Variants in TMEM178B observed in about 807,000 individuals in gnomAD.
The protein encoded by TMEM178B is transmembrane protein 178B.
Under a neutral mutation model 31.0 loss-of-function variants are expected in TMEM178B, and 5 were observed. The ratio of observed to expected loss-of-function variants is 0.16; its 90% confidence interval spans 0.08 to 0.34. The LOEUF is 0.34. Among genes scored for constraint, TMEM178B ranks in the 10% least tolerant of loss-of-function variants. TMEM178B has a pLI of 1.00. For synonymous variants in TMEM178B, 164 were observed against 164.0 expected, an observed-to-expected ratio of 1.00 and a Z score of 0.00; for missense variants, 275 against 400.3, an observed-to-expected ratio of 0.69 and a Z score of 2.67.
intron 2 of TMEM178B, among the ~76,000 whole-genome samples, chr7:141,430,469 G>C (rs1259972016): frequency 6.6e-6 from 1 of 152,164 alleles, no homozygotes; most frequent in African/African-American, 2.4e-5. Context: ...TTTGAAGTAG[G>C]TATTGTCATA....
chr7:141,266,613 G>A (rs1798099198), intron 2 of TMEM178B, among the ~76,000 whole-genome samples: 1 of 152,146 alleles, frequency 6.6e-6, no homozygotes, highest in African/African-American at 2.4e-5. Context: ...GCTAGGGGCT[G>A]CCTCTGGACA....
rs1166279364 is a variant in TMEM178B at position 141,205,627 on chromosome 7, C to G, written c.383-6964C>G. ...AACAATATTTGATCCAAAGGAATGACTCTGTAATGGAGATATAAAGTACTA... is the reference window on the plus strand; with the variant it reads ...AACAATATTTGATCCAAAGGAATGAGTCTGTAATGGAGATATAAAGTACTA... On this transcript the variant is annotated intron_variant, in intron 1 of 3. Transcript: ENST00000565468. 2.6e-5 allele frequency among the ~76,000 whole-genome samples: 4 copies of G among 152,204 alleles called. No homozygotes were observed. The East Asian group carries it at 7.7e-4, about 29-fold the overall frequency.
At chr7:141,311,627 A>G (rs1425679826) in intron 2 of TMEM178B, among the ~76,000 whole-genome samples, 1 of 152,098 alleles carries the variant, frequency 6.6e-6, no homozygotes, top group African/African-American at 2.4e-5. Context: ...CTCTTCTCTG[A>G]TTTTCTACCA....
At chr7:141,456,082 T>C (rs1237144063) in intron 3 of TMEM178B, among the ~76,000 whole-genome samples, 1 of 152,206 alleles carries the variant, frequency 6.6e-6, no homozygotes, top group Non-Finnish European at 1.5e-5. Context: ...TGATGTCAAA[T>C]AATGACATCT....
chr7:141,242,516 A>G (rs1314935530), intron 2 of TMEM178B, among the ~76,000 whole-genome samples: 1 of 141,168 alleles, frequency 7.1e-6, no homozygotes, highest in Non-Finnish European at 1.5e-5. Flanking sequence ...GTGTTTCTCC[A>G]TTACCTACCT....
At chr7:141,193,859 G>A (rs1344407675) in intron 1 of TMEM178B, among the ~76,000 whole-genome samples, 1 of 152,216 alleles carries the variant, frequency 6.6e-6, no homozygotes, top group Non-Finnish European at 1.5e-5. Flanking sequence ...TTCCTGTTGA[G>A]TGAGGTGCAG....
At chr7:141,300,877 A>G (rs1476298902) in intron 2 of TMEM178B, among the ~76,000 whole-genome samples, 1 of 150,722 alleles carries the variant, frequency 6.6e-6, no homozygotes, top group African/African-American at 2.4e-5. Flanking sequence ...TCTTAATTTT[A>G]TTTTCTTTCC....
intron 1 of TMEM178B, among the ~76,000 whole-genome samples, chr7:141,157,726 T>G (rs1191321754): frequency 6.6e-6 from 1 of 152,194 alleles, no homozygotes; most frequent in Non-Finnish European, 1.5e-5. Flanking sequence ...GACTGTGAGT[T>G]CCGAGCGAGG....
intron 1 of TMEM178B, among the ~76,000 whole-genome samples, chr7:141,082,924 G>A (rs1319690966): frequency 6.6e-6 from 1 of 152,172 alleles, no homozygotes; most frequent in East Asian, 1.9e-4. Context: ...TGTTGAAGAG[G>A]TCAGTTTATT....
chr7:141,442,127 T>G (rs1203380574), intron 3 of TMEM178B, among the ~76,000 whole-genome samples: 1 of 152,166 alleles, frequency 6.6e-6, no homozygotes, highest in African/African-American at 2.4e-5. Context: ...GTTCCTGTGA[T>G]TCCCTTGCTG....
intron 2 of TMEM178B, among the ~76,000 whole-genome samples, chr7:141,369,399 CACCATAG>C (rs542141319): frequency 7.6e-4 from 114 of 150,988 alleles, no homozygotes; most frequent in South Asian, 1.7e-3. Flanking sequence ...AAATAAATAT[CACCATAG>C]AGAAGGTAAA....
chr7:141,261,760 G>A (rs574076123), intron 2 of TMEM178B, among the ~76,000 whole-genome samples: 33 of 152,202 alleles, frequency 2.2e-4, no homozygotes, highest in African/African-American at 6.7e-4. Context: ...AAAAGAAGTG[G>A]GAGACAGGGA....
At chr7:141,280,640 C>T (rs990378841) in intron 2 of TMEM178B, among the ~76,000 whole-genome samples, 12 of 152,186 alleles carry the variant, frequency 7.9e-5, no homozygotes, top group East Asian at 3.8e-4. Flanking sequence ...GCAGTGAAAA[C>T]GGACTAATAC....
At chr7:141,303,526 G>GCGTGCTCATGAGAGGAGCGC (rs1275640794) in intron 2 of TMEM178B, among the ~76,000 whole-genome samples, 3 of 152,208 alleles carry the variant, frequency 2.0e-5, no homozygotes, top group Admixed American at 1.3e-4. Context: ...CTGACGAGCT[G>GCGTGCTCATGAGAGGAGCGC]CGTGCTCATG....
At chr7:141,421,314 G>C (rs1444480406) in intron 2 of TMEM178B, among the ~76,000 whole-genome samples, 2 of 152,190 alleles carry the variant, frequency 1.3e-5, no homozygotes, top group Non-Finnish European at 2.9e-5. Context: ...ACTTTGTAAA[G>C]ACTGGTATAT....
intron 1 of TMEM178B, among the ~76,000 whole-genome samples, chr7:141,157,343 A>G (rs189175189): frequency 6.6e-5 from 10 of 152,038 alleles, no homozygotes; most frequent in African/African-American, 2.4e-4. Context: ...CTAGGAGAGG[A>G]GCTTCCTCAT....
chr7:141,149,800 A>G (rs550672529), intron 1 of TMEM178B, among the ~76,000 whole-genome samples: 66 of 152,350 alleles, frequency 4.3e-4, no homozygotes, highest in African/African-American at 1.5e-3. Context: ...CCTGCGGGTT[A>G]TGGAGAGAAC....
At chr7:141,254,605 C>G (rs1797894834) in intron 2 of TMEM178B, among the ~76,000 whole-genome samples, 1 of 152,144 alleles carries the variant, frequency 6.6e-6, no homozygotes, top group Non-Finnish European at 1.5e-5. Context: ...GTAATCCCAG[C>G]TACTCAGGAG....
intron 2 of TMEM178B, among the ~76,000 whole-genome samples, chr7:141,406,856 T>C (rs561476129): frequency 6.6e-6 from 1 of 152,370 alleles, no homozygotes; most frequent in African/African-American, 2.4e-5. Flanking sequence ...TGCATGTATT[T>C]CTAGAATTCG....
Sources: gnomAD v4.1 joint callset for allele counts (sites outside exome capture counted in the v4.1 genomes callset) on GRCh38, gnomAD v4.1.1 for gene constraint, MANE v1.5 for transcripts, NCBI Gene and HGNC (gene_info 2026-07-23, HGNC 2026-07-21) for gene names.